The following MEF2A variants were observed in gnomAD, a reference collection of about 807,000 sequenced individuals.
MEF2A encodes myocyte enhancer factor 2A.
MEF2A carries 28 observed loss-of-function variants against 55.8 expected under a neutral mutation model. The observed-to-expected ratio is 0.50, with a 90% CI of 0.37 to 0.69. The LOEUF is 0.69. Among genes scored for constraint, MEF2A ranks in the 30% least tolerant of loss-of-function variants. The pLI is 0.00. For missense variants in MEF2A, 528 were observed against 626.2 expected, an observed-to-expected ratio of 0.84 and a Z score of 1.67; for synonymous variants, 239 against 227.1, an observed-to-expected ratio of 1.05 and a Z score of -0.47.
At chr15:99,631,364 T>C (rs769378361) in intron 2 of MEF2A, among the ~76,000 whole-genome samples, 1 of 152,200 alleles carries the variant, frequency 6.6e-6, no homozygotes, top group Non-Finnish European at 1.5e-5. Flanking sequence ...GCCTGTTTGA[T>C]TGGGCCCCAC....
Position 99,712,305 on chromosome 15 carries a change from C to G in MEF2A, c.1137-85C>G. Reference sequence around the variant, plus strand: ...AAGATTTCAGACTCTGGGCCCTTTTCCATCAGGCAGTGTCTCTACTGTATC... The same window carrying G: ...AAGATTTCAGACTCTGGGCCCTTTTGCATCAGGCAGTGTCTCTACTGTATC... On this transcript the variant is annotated intron_variant, in intron 11 of 11. Coordinates refer to ENST00000557942, the MANE Select transcript of MEF2A (RefSeq NM_001319206.4). The surrounding 1 kb of genome is among the most constrained non-coding windows in gnomAD (Gnocchi z 4.1). 6.9e-7 allele frequency: 1 copy of G among 1,441,890 alleles called. No individual in the cohort carries two copies. The allele number at this position is 1,441,890 out of a possible 1,614,324, so 89.3% of individuals were successfully genotyped here.
At chr15:99,605,864 G>A (rs1366952878) in intron 2 of MEF2A, among the ~76,000 whole-genome samples, 1 of 152,132 alleles carries the variant, frequency 6.6e-6, no homozygotes, top group Non-Finnish European at 1.5e-5. Flanking sequence ...CAGCCACTCA[G>A]CAGGCTTAGG....
At chr15:99,616,297 AG>A (rs1479405048) in intron 2 of MEF2A, among the ~76,000 whole-genome samples, 2 of 152,218 alleles carry the variant, frequency 1.3e-5, no homozygotes, top group Non-Finnish European at 2.9e-5. Flanking sequence ...ATCTGCGAAT[AG>A]GTTAGACAAA....
chr15:99,637,142 G>T (rs2044027262), intron 3 of MEF2A, among the ~76,000 whole-genome samples: 1 of 148,372 alleles, frequency 6.7e-6, no homozygotes. Flanking sequence ...CTCAGAACCA[G>T]CTGACTATTC....
chr15:99,634,451 A>G (rs2153420587), intron 3 of MEF2A, among the ~76,000 whole-genome samples: 1 of 152,318 alleles, frequency 6.6e-6, no homozygotes, highest in South Asian at 2.1e-4. Flanking sequence ...CAATCTGAGG[A>G]TTATGAAGTG....
chr15:99,653,002 A>G (rs1028067401), intron 4 of MEF2A, among the ~76,000 whole-genome samples: 14 of 152,204 alleles, frequency 9.2e-5, no homozygotes, highest in African/African-American at 2.7e-4. Context: ...ATACACTTCA[A>G]TATCGACTTA....
chr15:99,683,580 A>ATT (rs200262059), intron 7 of MEF2A, among the ~76,000 whole-genome samples: 32 of 149,398 alleles, frequency 2.1e-4, no homozygotes, highest in African/African-American at 7.6e-4. Flanking sequence ...CTAATTTAGC[A>ATT]TTTTTTTTTA....
chr15:99,612,440 T>C (rs928450093), intron 2 of MEF2A, among the ~76,000 whole-genome samples: 2 of 152,008 alleles, frequency 1.3e-5, no homozygotes, highest in Non-Finnish European at 2.9e-5. Flanking sequence ...AACACTGAAT[T>C]ATTCACTTTT....
chr15:99,663,424 A>G (rs893684582), intron 4 of MEF2A, among the ~76,000 whole-genome samples: 3 of 152,210 alleles, frequency 2.0e-5, no homozygotes, highest in South Asian at 2.1e-4. Flanking sequence ...CACTTTTAAC[A>G]TATGCTCAAC....
chr15:99,638,271 T>A (rs992563279), intron 3 of MEF2A, among the ~76,000 whole-genome samples: 4 of 152,224 alleles, frequency 2.6e-5, no homozygotes, highest in African/African-American at 4.8e-5. Context: ...ATTTTTTTTT[T>A]AAAGATAATG....
chr15:99,630,042 CCT>C (rs894889469), intron 2 of MEF2A, among the ~76,000 whole-genome samples: 2 of 149,054 alleles, frequency 1.3e-5, no homozygotes, highest in African/African-American at 2.5e-5. Flanking sequence ...TCCTTCTCCC[CCT>C]CTCTCCCCTT....
intron 3 of MEF2A, among the ~76,000 whole-genome samples, 168 bp downstream of exon 3, chr15:99,633,341 T>C (rs2043228964): frequency 6.6e-6 from 1 of 152,132 alleles, no homozygotes; most frequent in African/African-American, 2.4e-5. Context: ...TTTCATCATC[T>C]GCTTTAAAGA....
intron 1 of MEF2A, among the ~76,000 whole-genome samples, chr15:99,592,812 C>T: frequency 6.6e-6 from 1 of 152,114 alleles, no homozygotes; most frequent in East Asian, 1.9e-4. Context: ...TCCCATGACC[C>T]AAACACCTCT....
intron 11 of MEF2A, among the ~76,000 whole-genome samples, chr15:99,711,993 G>A (rs1772809836): frequency 6.6e-6 from 1 of 152,212 alleles, no homozygotes; most frequent in East Asian, 1.9e-4. Flanking sequence ...GATGAGCGAT[G>A]TTGTGCCCTG....
intron 1 of MEF2A, among the ~76,000 whole-genome samples, chr15:99,568,523 G>A (rs1960733830): frequency 6.6e-6 from 1 of 152,068 alleles, no homozygotes; most frequent in Non-Finnish European, 1.5e-5. Flanking sequence ...GAGGAATATT[G>A]AATTATATTC....
Position 99,712,733 on chromosome 15 carries a change from T to C in MEF2A, c.1480T>C (p.Ser494Pro). ...PPNTEDRESP[S>P]VKRMRMDAWV... Reference sequence around the variant, plus strand: ...AAACACTGAGGACAGAGAAAGCCCTTCTGTAAAGCGAATGAGGATGGACGC... The same window carrying C: ...AAACACTGAGGACAGAGAAAGCCCTCCTGTAAAGCGAATGAGGATGGACGC... The change falls in exon 12 of 12, where the codon TCT becomes CCT. Residue 494 changes from serine (S) to proline (P), a missense_variant. By Grantham distance (74) the Ser-to-Pro change is moderately conservative. Transcript: ENST00000557942. This position sits in a 1 kb window ranked among gnomAD's most constrained non-coding sequence, Gnocchi z 4.1. The C allele has an allele frequency of 6.4e-7, 1 of 1,563,726 alleles. No individual in the cohort carries two copies. The highest frequency in any genetic ancestry group is 8.7e-7 in the Non-Finnish European group (1 of 1,153,924).
intron 2 of MEF2A, among the ~76,000 whole-genome samples, chr15:99,619,612 C>G (rs2040798368): frequency 2.0e-5 from 3 of 152,156 alleles, no homozygotes; most frequent in African/African-American, 7.2e-5. Context: ...GTTTTCAGAT[C>G]ATAAATATTC....
intron 8 of MEF2A, among the ~76,000 whole-genome samples, chr15:99,700,868 TAAA>T (rs1391331880): frequency 6.6e-6 from 1 of 151,978 alleles, no homozygotes; most frequent in East Asian, 1.9e-4. Flanking sequence ...GCCCAGGGAA[TAAA>T]AAACATTGAG....
chr15:99,613,738 G>C lies in MEF2A; in HGVS notation c.-143+15227G>C, dbSNP rs147821612. On this transcript the variant is annotated intron_variant, in intron 2 of 11. Coordinates refer to ENST00000557942, the MANE Select transcript of MEF2A (RefSeq NM_001319206.4). ...TCAGAACTCTTAAATTAGCTGATAA[G>C]TGCTCAAGGCATTTGTATTTTGACA... is the stretch of plus-strand genomic sequence containing the variant. Among the ~76,000 whole-genome samples the C allele has an allele frequency of 3.0e-3, 464 of 152,320 alleles. 4 individuals carry two copies. Among genetic ancestry groups the C allele is most frequent in the African/African-American group, 0.01 (427 of 41,560 alleles).
Sources: allele counts gnomAD v4.1 joint callset (sites outside exome capture counted in the v4.1 genomes callset), GRCh38; gene constraint gnomAD v4.1.1; non-coding constraint Gnocchi (gnomAD v3.1); transcripts MANE v1.5; gene names NCBI Gene and HGNC (gene_info 2026-07-23, HGNC 2026-07-21).